ATRNL1: variants seen among roughly 807,000 people sequenced by gnomAD.
The protein encoded by ATRNL1 is attractin-like protein 1.
A neutral mutation model predicts 182.7 loss-of-function variants in ATRNL1; 95 were observed. The observed-to-expected ratio is 0.52, with a 90% CI of 0.44 to 0.62. The LOEUF is 0.62. ATRNL1 is among the 20% of genes least tolerant of loss of function. The pLI, the probability that ATRNL1 is intolerant of heterozygous loss-of-function variation, is 0.00. For synonymous variants in ATRNL1, 576 were observed against 568.3 expected, an observed-to-expected ratio of 1.01 and a Z score of -0.19; for missense variants, 1,471 against 1,679.5, an observed-to-expected ratio of 0.88 and a Z score of 2.17.
intron 7 of ATRNL1, among the ~76,000 whole-genome samples, chr10:115,170,804 ATATATT>A (rs1847257560): frequency 6.6e-6 from 1 of 152,070 alleles, no homozygotes; most frequent in African/African-American, 2.4e-5. Flanking sequence ...TAGTTAAAAA[ATATATT>A]TAAAGTAGCT....
At chr10:115,440,051 T>G (rs1846594197) in intron 21 of ATRNL1, among the ~76,000 whole-genome samples, 1 of 151,938 alleles carries the variant, frequency 6.6e-6, no homozygotes, top group Non-Finnish European at 1.5e-5. Context: ...TTTAATTTTA[T>G]GATTTATAAG....
intron 21 of ATRNL1, among the ~76,000 whole-genome samples, chr10:115,439,441 A>G (rs1410205662): frequency 2.0e-5 from 3 of 151,916 alleles, no homozygotes; most frequent in Admixed American, 6.6e-5. Flanking sequence ...GAAATACTGC[A>G]TGTTCATTCT....
At chr10:115,705,775 C>T (rs897820517) in intron 26 of ATRNL1, among the ~76,000 whole-genome samples, 7 of 151,868 alleles carry the variant, frequency 4.6e-5, no homozygotes. Context: ...CTTTGAATTA[C>T]CAGGTCAGAC....
chr10:115,278,877 A>T (rs1347093592), intron 13 of ATRNL1, among the ~76,000 whole-genome samples: 2 of 152,028 alleles, frequency 1.3e-5, no homozygotes, highest in African/African-American at 4.8e-5. Context: ...AGACCATCTG[A>T]TATATAACAG....
rs372162881 is a variant in ATRNL1, at chr10:115,192,600, A to C, written c.1348+21308A>C. Among the ~76,000 whole-genome samples the C allele has an allele frequency of 1.3e-3, 197 of 152,120 alleles. 3 individuals carry two copies. Among genetic ancestry groups the C allele is most frequent in the African/African-American group, 4.0e-3 (165 of 41,530 alleles). ...TCTGGGTCTTTTGTGGTTTCATATA[A>C]ATTTTAGGATCATTCTTTCTGTGAA... On this transcript the variant is annotated intron_variant, in intron 8 of 28. Transcript: ENST00000355044.
chr10:115,293,311 C>T (rs1219170761), intron 15 of ATRNL1, among the ~76,000 whole-genome samples: 1 of 152,034 alleles, frequency 6.6e-6, no homozygotes, highest in African/African-American at 2.4e-5. Flanking sequence ...TACCCTCAGA[C>T]AGTCTATATC....
At chr10:115,944,285 T>TA (rs10588486) in intron 28 of ATRNL1, among the ~76,000 whole-genome samples, 5 of 131,762 alleles carry the variant, frequency 3.8e-5, no homozygotes, top group African/African-American at 1.4e-4. Flanking sequence ...GTTTTGTTCC[T>TA]AAAAAAAAAA....
intron 28 of ATRNL1, among the ~76,000 whole-genome samples, chr10:115,940,980 T>C (rs1171971159): frequency 2.0e-5 from 3 of 152,238 alleles, no homozygotes; most frequent in African/African-American, 7.2e-5. Flanking sequence ...GAATAACTCA[T>C]GATGGGCCAC....
At chr10:115,707,891 G>A (rs1265423687) in intron 26 of ATRNL1, among the ~76,000 whole-genome samples, 3 of 151,564 alleles carry the variant, frequency 2.0e-5, no homozygotes. Flanking sequence ...GACTTTTGAT[G>A]TTTTTGATAT....
chr10:115,752,067 A>G (rs1288524500), intron 27 of ATRNL1, among the ~76,000 whole-genome samples: 1 of 152,030 alleles, frequency 6.6e-6, no homozygotes, highest in Non-Finnish European at 1.5e-5. Flanking sequence ...AAATATGCAC[A>G]AGTTAGAATT....
chr10:115,464,201 G>A (rs1384693744), intron 22 of ATRNL1, among the ~76,000 whole-genome samples: 1 of 151,876 alleles, frequency 6.6e-6, no homozygotes. Flanking sequence ...ATCATTTTGT[G>A]TAACCCTCTT....
chr10:115,371,636 T>A (rs1041613248), intron 19 of ATRNL1, among the ~76,000 whole-genome samples: 1 of 152,198 alleles, frequency 6.6e-6, no homozygotes, highest in African/African-American at 2.4e-5. Flanking sequence ...CCCCATTGTA[T>A]CTAGGAAGTA....
chr10:115,414,976 C>G (rs186516624), intron 20 of ATRNL1, among the ~76,000 whole-genome samples: 5 of 151,890 alleles, frequency 3.3e-5, no homozygotes, highest in African/African-American at 1.2e-4. Flanking sequence ...TGGTATTTTG[C>G]AATTAAAATT....
At chr10:115,260,294 C>A (rs577419246) in intron 10 of ATRNL1, among the ~76,000 whole-genome samples, 1 of 152,192 alleles carries the variant, frequency 6.6e-6, no homozygotes, top group South Asian at 2.1e-4. Flanking sequence ...AGAGTGAAAC[C>A]CTCTAGCTAC....
intron 28 of ATRNL1, among the ~76,000 whole-genome samples, chr10:115,905,629 G>C (rs1224599615): frequency 6.6e-6 from 1 of 152,144 alleles, no homozygotes; most frequent in East Asian, 1.9e-4. Flanking sequence ...TCCATAAGAG[G>C]TTAACTAGAC....
At chr10:115,800,355 A>C (rs1305773693) in intron 27 of ATRNL1, among the ~76,000 whole-genome samples, 4 of 152,164 alleles carry the variant, frequency 2.6e-5, no homozygotes, top group African/African-American at 9.6e-5. Flanking sequence ...CTAATGCCAT[A>C]CTTGTCATAT....
intron 24 of ATRNL1, among the ~76,000 whole-genome samples, chr10:115,491,763 C>G (rs1004244062): frequency 3.0e-4 from 46 of 152,270 alleles, no homozygotes; most frequent in African/African-American, 1.1e-3. Flanking sequence ...AATGGTTCTT[C>G]CTGGCTGGCG....
chr10:115,938,837 A>G (rs1555123484), intron 28 of ATRNL1, among the ~76,000 whole-genome samples: 1 of 152,156 alleles, frequency 6.6e-6, no homozygotes, highest in African/African-American at 2.4e-5. Flanking sequence ...GCTGATTACC[A>G]GAGGCTAGGG....
At chr10:115,776,797 G>A (rs546262056) in intron 27 of ATRNL1, among the ~76,000 whole-genome samples, 2 of 152,226 alleles carry the variant, frequency 1.3e-5, no homozygotes, top group South Asian at 4.1e-4. Flanking sequence ...ACCCAAATTA[G>A]ATTCAGTTGT....
Sources: gnomAD v4.1 joint callset for allele counts (sites outside exome capture counted in the v4.1 genomes callset) on GRCh38, gnomAD v4.1.1 for gene constraint, MANE v1.5 for transcripts, NCBI Gene and HGNC (gene_info 2026-07-23, HGNC 2026-07-21) for gene names.